Variants in LRRK2 observed in about 807,000 individuals in gnomAD.
LRRK2 encodes leucine-rich repeat serine/threonine-protein kinase 2.
LRRK2 carries 203 observed loss-of-function variants against 302.6 expected under a neutral mutation model. The observed-to-expected ratio is 0.67, with a 90% confidence interval of 0.60 to 0.75. LRRK2 has a LOEUF of 0.75. Ranked by LOEUF, LRRK2 falls within the 30% of genes least tolerant of loss-of-function variation. LRRK2 has a pLI of 0.00. For missense variants in LRRK2, 2,830 were observed against 2,951.0 expected (o/e 0.96, Z 0.95); for synonymous variants, 1,066 against 1,031.9 (o/e 1.03, Z -0.63).
At position 40,314,089 on chromosome 12, in the gene LRRK2, C is replaced by T. The variant is rs921266719; in HGVS notation, c.4654C>T (p.Arg1552Ter). The T allele has an allele frequency of 9.9e-6, 16 of 1,612,460 alleles. No homozygotes were observed. The highest frequency in any genetic ancestry group is 1.7e-5 in the Admixed American group (1 of 59,862). The change falls in exon 32 of 51, where the codon CGA becomes TGA. Residue 1552 changes from arginine to a stop codon, truncating the protein, a stop_gained. Coordinates refer to ENST00000298910, the MANE Select transcript of LRRK2 (RefSeq NM_198578.4). LOFTEE classifies it high-confidence loss of function. ...PIEFPVIDRK[R>*]LLQLVRENQL... ...TGAATTTCCCGTAATTGACCGGAAA[C>T]GATTATTACAACTAGTGAGAGAAAA...
rs937530868 is a variant in LRRK2 at position 40,353,827 on chromosome 12, T to C, written c.6577-472T>C. 9.2e-5 allele frequency among the ~76,000 whole-genome samples: 14 copies of C among 152,200 alleles called. No individual in the cohort carries two copies. The East Asian group carries it at 2.1e-3, about 23-fold the overall frequency. ...CGAAACCCCGTCTCCACCAAAAAAA[T>C]ATGAAAACCAGTCAGGCGTGGCGGC... On this transcript the variant is annotated intron_variant, in intron 44 of 50. Transcript: ENST00000298910.
intron 10 of LRRK2, 76 bp from the exon 11 acceptor site, chr12:40,252,834 T>C (rs1369330335): frequency 7.4e-6 from 7 of 945,608 alleles, no homozygotes; most frequent in Non-Finnish European, 1.0e-5. Context: ...GTTAGAGATA[T>C]TTGATAATGG....
At chr12:40,275,510 A>ATTTGT (rs1943414702) in intron 16 of LRRK2, among the ~76,000 whole-genome samples, 1 of 151,484 alleles carries the variant, frequency 6.6e-6, no homozygotes, top group African/African-American at 2.4e-5. Flanking sequence ...TTAAGAATAA[A>ATTTGT]TTTGTTTTGT....
At chr12:40,326,961 C>T in intron 38 of LRRK2, among the ~76,000 whole-genome samples, 1 of 152,182 alleles carries the variant, frequency 6.6e-6, no homozygotes, top group South Asian at 2.1e-4. Context: ...ATTATATATG[C>T]TCATTATAGA....
chr12:40,268,918 T>C (rs992054624), intron 14 of LRRK2, among the ~76,000 whole-genome samples: 1 of 152,170 alleles, frequency 6.6e-6, no homozygotes, highest in African/African-American at 2.4e-5. Flanking sequence ...AACAACTAAC[T>C]CTTCAGCCAT....
chr12:40,267,268 A>G (rs1943058476), intron 14 of LRRK2, among the ~76,000 whole-genome samples: 2 of 152,222 alleles, frequency 1.3e-5, no homozygotes, highest in South Asian at 4.1e-4. Flanking sequence ...CCGCGTCCTG[A>G]GGACATGGTT....
intron 12 of LRRK2, 90 bp from the exon 13 acceptor site, chr12:40,259,390 G>A (rs907927529): frequency 6.7e-7 from 1 of 1,497,176 alleles, no homozygotes; most frequent in African/African-American, 1.4e-5. Flanking sequence ...AAATATATTG[G>A]TTCTGCCCTC....
chr12:40,314,382 C>T (rs1054139494), intron 32 of LRRK2, among the ~76,000 whole-genome samples: 1 of 151,884 alleles, frequency 6.6e-6, no homozygotes, highest in African/African-American at 2.4e-5. Context: ...TTAGAAATCA[C>T]CTAGGAGTAA....
intron 25 of LRRK2, among the ~76,000 whole-genome samples, chr12:40,299,651 G>T (rs569372823): frequency 6.6e-6 from 1 of 152,254 alleles, no homozygotes; most frequent in South Asian, 2.1e-4. Context: ...ATACTATAGA[G>T]GGGGATATGT....
chr12:40,261,856 A>G (rs1942791166), intron 13 of LRRK2, among the ~76,000 whole-genome samples: 1 of 152,180 alleles, frequency 6.6e-6, no homozygotes, highest in Non-Finnish European at 1.5e-5. Flanking sequence ...AGCATATTGC[A>G]TCTAGTGCAT....
At chr12:40,334,071 AT>A (rs1271455545) in intron 39 of LRRK2, among the ~76,000 whole-genome samples, 1 of 152,174 alleles carries the variant, frequency 6.6e-6, no homozygotes, top group African/African-American at 2.4e-5. Context: ...TTTTTTTAAA[AT>A]TGAGCATTAT....
At chr12:40,329,712 A>T (rs574479087) in intron 39 of LRRK2, among the ~76,000 whole-genome samples, 1 of 152,198 alleles carries the variant, frequency 6.6e-6, no homozygotes, top group Admixed American at 6.5e-5. Context: ...GGCATATTTT[A>T]ATTTGGTCAC....
intron 11 of LRRK2, among the ~76,000 whole-genome samples, chr12:40,253,689 T>G (rs1314385285): frequency 6.6e-6 from 1 of 152,206 alleles, no homozygotes; most frequent in Admixed American, 6.5e-5. Context: ...AATTATAATT[T>G]TTAATAGCTT....
At chr12:40,295,672 C>T (rs1335171966) in intron 23 of LRRK2, 28 bp downstream of exon 23, 23 of 1,594,868 alleles carry the variant, frequency 1.4e-5, no homozygotes, top group Non-Finnish European at 1.8e-5. Context: ...TTGTAACTTT[C>T]AAGACATTTG....
At chr12:40,353,266 C>T (rs71449759) in intron 44 of LRRK2, among the ~76,000 whole-genome samples, 1,220 of 14,824 alleles carry the variant, frequency 0.082, 80 homozygotes, top group African/African-American at 0.13. Flanking sequence ...ACTTCTCAGA[C>T]GGGGCGGCTG....
intron 45 of LRRK2, among the ~76,000 whole-genome samples, chr12:40,355,696 C>G (rs1294056644): frequency 6.6e-6 from 1 of 152,006 alleles, no homozygotes; most frequent in Admixed American, 6.6e-5. Flanking sequence ...GCGTGCACCA[C>G]CAAACCTGGC....
intron 2 of LRRK2, among the ~76,000 whole-genome samples, chr12:40,230,195 A>G (rs924203052): frequency 6.6e-6 from 1 of 152,054 alleles, no homozygotes; most frequent in African/African-American, 2.4e-5. Flanking sequence ...GAAATTATGT[A>G]AAAGGAAGTA....
At chr12:40,259,942 T>C (rs1280854544) in intron 13 of LRRK2, among the ~76,000 whole-genome samples, 2 of 152,158 alleles carry the variant, frequency 1.3e-5, no homozygotes, top group East Asian at 1.9e-4. Flanking sequence ...CTTGTTTGAA[T>C]TGTACTATTA....
intron 6 of LRRK2, among the ~76,000 whole-genome samples, 157 bp downstream of exon 6, chr12:40,240,774 A>T (rs906028818): frequency 6.6e-6 from 1 of 152,158 alleles, no homozygotes; most frequent in Admixed American, 6.6e-5. Context: ...ATTCACTGAC[A>T]TTATACTGAA....
Sources: allele counts gnomAD v4.1 joint callset (sites outside exome capture counted in the v4.1 genomes callset), GRCh38; gene constraint gnomAD v4.1.1; transcripts MANE v1.5; gene names NCBI Gene and HGNC (gene_info 2026-07-23, HGNC 2026-07-21).